Variants in C8A observed in about 807,000 individuals in gnomAD.
The protein encoded by C8A is complement C8 alpha chain.
Under a neutral mutation model 65.3 loss-of-function variants are expected in C8A, and 67 were observed. That is an observed-to-expected ratio of 1.03 (90% CI 0.84 to 1.26). The LOEUF is 1.26. Ranked by LOEUF, C8A falls within the 50% of genes most tolerant of loss-of-function variation. C8A has a pLI of 0.00. For missense variants in C8A, 781 were observed against 723.9 expected (o/e 1.08, Z -0.90); for synonymous variants, 290 against 259.4 (o/e 1.12, Z -1.13).
chr1:56,891,850 A>T (rs1393561274), intron 7 of C8A, among the ~76,000 whole-genome samples: 5 of 151,890 alleles, frequency 3.3e-5, no homozygotes, highest in African/African-American at 4.8e-5. Context: ...CAAAGAAGGG[A>T]CTCTAAATAT....
chr1:56,895,495 G>A (rs1644381263), intron 7 of C8A, among the ~76,000 whole-genome samples: 1 of 152,088 alleles, frequency 6.6e-6, no homozygotes, highest in Non-Finnish European at 1.5e-5. Context: ...AATGTCTCAA[G>A]GATGCCTTAA....
At chr1:56,907,290 T>C (rs917513681) in intron 8 of C8A, among the ~76,000 whole-genome samples, 3 of 152,166 alleles carry the variant, frequency 2.0e-5, no homozygotes, top group Non-Finnish European at 2.9e-5. Context: ...TGAGTTTTTT[T>C]CCCCAAGTGG....
At chr1:56,857,478 C>A (rs1262540761) in intron 1 of C8A, among the ~76,000 whole-genome samples, 2 of 151,926 alleles carry the variant, frequency 1.3e-5, no homozygotes, top group African/African-American at 4.8e-5. Flanking sequence ...TCTGTGTGTG[C>A]ATGGCAAATC....
intron 2 of C8A, 88 bp from the exon 3 acceptor site, chr1:56,874,861 T>C: frequency 2.1e-6 from 3 of 1,437,662 alleles, no homozygotes; most frequent in Admixed American, 3.6e-5. Context: ...TAATTATTTC[T>C]TATGTTGAGC....
At chr1:56,900,720 C>G (rs946179603) in intron 7 of C8A, among the ~76,000 whole-genome samples, 1 of 152,262 alleles carries the variant, frequency 6.6e-6, no homozygotes, top group East Asian at 1.9e-4. Context: ...ACTCCTAGAA[C>G]GTTTTAGAGG....
chr1:56,900,530 A>T (rs903727395), intron 7 of C8A, among the ~76,000 whole-genome samples: 1 of 152,170 alleles, frequency 6.6e-6, no homozygotes, highest in African/African-American at 2.4e-5. Context: ...TAACCACCAC[A>T]ATTCCTGCTT....
At chr1:56,905,603 A>C (rs1487884298) in intron 7 of C8A, among the ~76,000 whole-genome samples, 1 of 152,242 alleles carries the variant, frequency 6.6e-6, no homozygotes, top group African/African-American at 2.4e-5. Flanking sequence ...ATAAACTTTG[A>C]TGCTCAATAC....
chr1:56,892,315 A>G (rs756252067), intron 7 of C8A, among the ~76,000 whole-genome samples: 1 of 152,096 alleles, frequency 6.6e-6, no homozygotes, highest in Non-Finnish European at 1.5e-5. Flanking sequence ...ATTATGTGCT[A>G]AGCTCCATAC....
chr1:56,855,035 C>A, intron 1 of C8A, 57 bp downstream of exon 1: 1 of 1,274,592 alleles, frequency 7.8e-7, no homozygotes, highest in Non-Finnish European at 1.1e-6. Context: ...TGCTGGGGAA[C>A]TAAGACACTT....
chr1:56,855,063 G>C (rs1306723933), intron 1 of C8A, 85 bp downstream of exon 1: 2 of 1,014,526 alleles, frequency 2.0e-6, no homozygotes, highest in Non-Finnish European at 3.1e-6. Context: ...TGCAGCAGAG[G>C]CTGTGTTAGA....
At chr1:56,866,523 C>A (rs1320666479) in intron 1 of C8A, among the ~76,000 whole-genome samples, 1 of 152,170 alleles carries the variant, frequency 6.6e-6, no homozygotes, top group Non-Finnish European at 1.5e-5. Flanking sequence ...CGAGTTTCAA[C>A]TTAGGTGTCA....
chr1:56,901,357 G>T (rs706477), intron 7 of C8A, among the ~76,000 whole-genome samples: 1,960 of 152,270 alleles, frequency 0.013, 44 homozygotes, highest in African/African-American at 0.045. Context: ...AGGAATGACA[G>T]ACTTGCAGTG....
chr1:56,860,443 A>C (rs1644022319), intron 1 of C8A, among the ~76,000 whole-genome samples: 1 of 152,220 alleles, frequency 6.6e-6, no homozygotes, highest in South Asian at 2.1e-4. Context: ...AAACACACAC[A>C]AACACAAAAA....
chr1:56,875,919 A>G (rs1644193729), intron 3 of C8A, 143 bp from the exon 4 acceptor site: 1 of 1,157,540 alleles, frequency 8.6e-7, no homozygotes. Context: ...ATTAGGCTGG[A>G]AGGAAGGCAG....
Position 56,881,583 on chromosome 1 carries a change from T to G in C8A, c.603T>G (p.Asp201Glu). ...DSTCERLYYG[D>E]DEKYFRKPYN... ...CCTGTGAACGTCTCTACTATGGAGA[T>G]GATGAGAAATACTTTCGGAAACCCT... The change falls in exon 5 of 11, where the codon GAT (aspartate) becomes GAG (glutamate). Residue 201 changes from aspartate to glutamate, a missense_variant. Coordinates refer to ENST00000361249, the MANE Select transcript of C8A (RefSeq NM_000562.3). 1 of 1,613,794 alleles carries G rather than the reference T, an allele frequency of 6.2e-7. No homozygotes were observed. The highest frequency in any genetic ancestry group is 8.5e-7 in the Non-Finnish European group (1 of 1,179,786).
chr1:56,881,349 C>T (rs1022108024), intron 4 of C8A, 96 bp from the exon 5 acceptor site: 46 of 1,218,146 alleles, frequency 3.8e-5, no homozygotes, highest in Admixed American at 6.8e-5. Flanking sequence ...CATAGGTAAA[C>T]GTGTGCCATG....
chr1:56,868,992 A>C (rs1163277680), intron 2 of C8A, among the ~76,000 whole-genome samples: 1 of 152,204 alleles, frequency 6.6e-6, no homozygotes, highest in Non-Finnish European at 1.5e-5. Flanking sequence ...ATACATGTTT[A>C]AGGAATTCCA....
At chr1:56,909,063 C>A (rs1038390129) in intron 9 of C8A, among the ~76,000 whole-genome samples, 5 of 152,316 alleles carry the variant, frequency 3.3e-5, no homozygotes, top group African/African-American at 7.2e-5. Context: ...AAATATCTGG[C>A]CTCAAGTGTC....
At chr1:56,864,373 G>A (rs1644063670) in intron 1 of C8A, among the ~76,000 whole-genome samples, 2 of 152,114 alleles carry the variant, frequency 1.3e-5, no homozygotes, top group African/African-American at 4.8e-5. Context: ...GGTTATAAAG[G>A]TAAATAAAGA....
Sources: gnomAD v4.1 joint callset for allele counts (sites outside exome capture counted in the v4.1 genomes callset) on GRCh38, gnomAD v4.1.1 for gene constraint, MANE v1.5 for transcripts, NCBI Gene and HGNC (gene_info 2026-07-23, HGNC 2026-07-21) for gene names.